The following COL5A1 variants were observed in gnomAD, a reference collection of about 807,000 sequenced individuals.
COL5A1 encodes the protein collagen type V alpha 1 chain.
A neutral mutation model predicts 263.7 loss-of-function variants in COL5A1; 16 were observed. That is an observed-to-expected ratio of 0.06 (90% CI 0.04 to 0.09). COL5A1 has a LOEUF of 0.09. Ranked by LOEUF, COL5A1 falls within the 10% of genes least tolerant of loss-of-function variation. COL5A1 has a pLI of 1.00. For missense variants in COL5A1, 2,036 were observed against 2,540.5 expected (o/e 0.80, Z 4.27); for synonymous variants, 1,012 against 1,004.5 (o/e 1.01, Z -0.14).
Position 134,701,222 on chromosome 9 carries a change from C to T in COL5A1, c.543C>T (p.Leu181=), listed in dbSNP as rs368485498. ...ACAAGAAAAATGTCACCTTGATCCT[C>T]GACTGTAAAAAGAAGACCACCAAAT... ...SVHKKNVTLI[L]DCKKKTTKFL... is the part of the protein sequence containing the mutation. Residue 181 remains leucine (L), a synonymous_variant, in exon 4 of 66, where the codon CTC becomes CTT. Coordinates refer to ENST00000371817, the MANE Select transcript of COL5A1 (RefSeq NM_000093.5). The T allele has an allele frequency of 6.8e-6, 11 of 1,613,882 alleles. No individual in the cohort carries two copies. Among genetic ancestry groups the T allele is most frequent in the African/African-American group, 2.7e-5 (2 of 74,932 alleles).
intron 4 of COL5A1, among the ~76,000 whole-genome samples, chr9:134,726,632 A>G (rs1485478558): frequency 2.6e-5 from 4 of 151,016 alleles, no homozygotes; most frequent in African/African-American, 7.3e-5. Context: ...GAATGGGTGA[A>G]TGGATGGGTA....
chr9:134,705,019 T>C (rs1443276134), intron 4 of COL5A1, among the ~76,000 whole-genome samples: 1 of 152,178 alleles, frequency 6.6e-6, no homozygotes, highest in Non-Finnish European at 1.5e-5. Context: ...TGTTGAGACA[T>C]ATTCCTCCAG....
chr9:134,720,385 AGAG>A lies in COL5A1; in HGVS notation c.655-6876_655-6874del, dbSNP rs1834409326. 2.6e-5 allele frequency among the ~76,000 whole-genome samples: 4 copies of A among 152,286 alleles called. No individual in the cohort carries two copies. In the Middle Eastern group the frequency reaches 0.014, roughly 518 times the overall value. On this transcript the variant is annotated intron_variant, in intron 4 of 65. Transcript: ENST00000371817. ...CAGTGCCGGGCAAGGCTCCACCAGGAGAGGAGGCTTCATCGACCAATTTTCCTG... is the reference window on the plus strand; with the variant it reads ...CAGTGCCGGGCAAGGCTCCACCAGGAGAGGCTTCATCGACCAATTTTCCTG...
At chr9:134,654,560 TG>T (rs1158388155) in intron 1 of COL5A1, among the ~76,000 whole-genome samples, 20 of 98,742 alleles carry the variant, frequency 2.0e-4, no homozygotes, top group East Asian at 3.3e-4. Flanking sequence ...TGTGTAGGGC[TG>T]GGTGTGTGTA....
At chr9:134,729,579 T>TGA in intron 6 of COL5A1, among the ~76,000 whole-genome samples, 1 of 91,702 alleles carries the variant, frequency 1.1e-5, no homozygotes, top group Admixed American at 1.1e-4. Flanking sequence ...TGAGCGTGTG[T>TGA]GAGCGTGTGT....
chr9:134,664,907 C>T (rs556160188), intron 1 of COL5A1, among the ~76,000 whole-genome samples: 1 of 152,136 alleles, frequency 6.6e-6, no homozygotes, highest in African/African-American at 2.4e-5. Context: ...ACTAAAAATA[C>T]AAAAACTAGA....
chr9:134,757,937 C>T lies in COL5A1; in HGVS notation c.1882-306C>T, dbSNP rs1836043931. On this transcript the variant is annotated intron_variant, in intron 17 of 65. Transcript: ENST00000371817. The surrounding 1 kb of genome is among the most constrained non-coding windows in gnomAD (Gnocchi z 6.2). Reference sequence around the variant, plus strand: ...GGGGGAGATCAGCAGCAGACACTCACACACACGGGAAACTGCAGCGGTCGC... The same window carrying T: ...GGGGGAGATCAGCAGCAGACACTCATACACACGGGAAACTGCAGCGGTCGC... Among the ~76,000 whole-genome samples the T allele has an allele frequency of 6.6e-6, 1 of 152,178 alleles. No individual in the cohort carries two copies. Among genetic ancestry groups the T allele is most frequent in the Non-Finnish European group, 1.5e-5 (1 of 68,042 alleles).
At chr9:134,679,502 GGGGCTGGTTGGGGGCACTGCA>G in intron 1 of COL5A1, among the ~76,000 whole-genome samples, 7 of 94,266 alleles carry the variant, frequency 7.4e-5, no homozygotes, top group African/African-American at 2.2e-4. Flanking sequence ...GGGGCACTGT[GGGGCTGGTTGGGGGCACTGCA>G]GGGCTGGTTG....
intron 1 of COL5A1, among the ~76,000 whole-genome samples, chr9:134,673,045 C>G (rs1832584261): frequency 6.6e-6 from 1 of 152,144 alleles, no homozygotes; most frequent in Non-Finnish European, 1.5e-5. Flanking sequence ...ATATACCATT[C>G]TCATGGACCA....
At chr9:134,728,857 G>T in intron 6 of COL5A1, 50 bp downstream of exon 6, 2 of 1,611,676 alleles carry the variant, frequency 1.2e-6, no homozygotes, top group Non-Finnish European at 1.7e-6. Flanking sequence ...CGAGGCCATG[G>T]TGCAGGGGAG....
At chr9:134,770,420 C>T (rs970448627) in intron 25 of COL5A1, among the ~76,000 whole-genome samples, 11 of 152,062 alleles carry the variant, frequency 7.2e-5, no homozygotes, top group Admixed American at 3.3e-4. Context: ...TGGTATCACA[C>T]GCTGGGGAAA....
At chr9:134,679,487 G>T (rs1215102860) in intron 1 of COL5A1, among the ~76,000 whole-genome samples, 14 of 64,814 alleles carry the variant, frequency 2.2e-4, no homozygotes, top group East Asian at 4.8e-4. Flanking sequence ...CTGTGGGGCT[G>T]GTTAGGGGCA....
At chr9:134,719,880 G>A (rs1834393670) in intron 4 of COL5A1, among the ~76,000 whole-genome samples, 1 of 152,210 alleles carries the variant, frequency 6.6e-6, no homozygotes, top group African/African-American at 2.4e-5. Flanking sequence ...GCAGTTAGAT[G>A]TGACATCAGA....
rs1174370124 is a variant in COL5A1 at position 134,691,018 on chromosome 9, T to C, written c.216T>C (p.Asp72=). 1.9e-6 allele frequency: 3 copies of C among 1,613,678 alleles called. No individual in the cohort carries two copies. The highest frequency in any genetic ancestry group is 2.7e-5 in the African/African-American group (2 of 74,956). ...CATRRSSKGP[D]VAYRVTKDAQ... is the part of the protein sequence containing the mutation. ...CGCGGCGATCTTCCAAAGGCCCGGA[T>C]GTCGCTTACAGAGTCACCAAAGACG... The change falls in exon 2 of 66, where the codon GAT becomes GAC. Residue 72 remains aspartate, a synonymous_variant. Transcript: ENST00000371817.
rs370989125 is a variant in COL5A1 at position 134,678,257 on chromosome 9, TGA to T, written c.110-12653_110-12652del. Among the ~76,000 whole-genome samples, 495 of 152,340 alleles carry T rather than the reference TGA, an allele frequency of 3.2e-3. 3 individuals are homozygous for T. Among genetic ancestry groups the T allele is most frequent in the African/African-American group, 0.011 (468 of 41,576 alleles). ...GCAGCTTGCTCTACCTCTCTCACGC[TGA>T]GTTTCCTCATGTACCAGTGAAGGGG... On this transcript the variant is annotated intron_variant, in intron 1 of 65. Coordinates refer to ENST00000371817, the MANE Select transcript of COL5A1 (RefSeq NM_000093.5). This position sits in a 1 kb window ranked among gnomAD's most constrained non-coding sequence, Gnocchi z 5.5.
intron 1 of COL5A1, among the ~76,000 whole-genome samples, chr9:134,662,754 G>T (rs1485901512): frequency 6.6e-6 from 1 of 152,204 alleles, no homozygotes; most frequent in Admixed American, 6.5e-5. Flanking sequence ...TGCCAGCTTG[G>T]ATGGGGACGG....
intron 25 of COL5A1, among the ~76,000 whole-genome samples, chr9:134,771,798 A>G (rs1836874156): frequency 1.3e-5 from 2 of 152,196 alleles, no homozygotes; most frequent in South Asian, 4.1e-4. Flanking sequence ...GTCCAGGAGT[A>G]GAACCCACCC....
intron 11 of COL5A1, among the ~76,000 whole-genome samples, chr9:134,747,506 C>A (rs562464971): frequency 6.7e-6 from 1 of 148,820 alleles, no homozygotes; most frequent in East Asian, 2.0e-4. Context: ...CATGCACACA[C>A]GTACACATTC....
chr9:134,815,849 A>G, intron 51 of COL5A1, 86 bp from the exon 52 acceptor site: 1 of 1,533,450 alleles, frequency 6.5e-7, no homozygotes, highest in Non-Finnish European at 9.0e-7. Context: ...GGGTTTTGGG[A>G]AGGGGCTGGA....
Sources: allele counts gnomAD v4.1 joint callset (sites outside exome capture counted in the v4.1 genomes callset), GRCh38; gene constraint gnomAD v4.1.1; non-coding constraint Gnocchi (gnomAD v3.1); transcripts MANE v1.5; gene names NCBI Gene and HGNC (gene_info 2026-07-23, HGNC 2026-07-21).